NPM1: variants seen among roughly 807,000 people sequenced by gnomAD.
The protein encoded by NPM1 is nucleophosmin 1.
NPM1 carries 1 observed loss-of-function variant against 44.1 expected under a neutral mutation model. The observed-to-expected ratio is 0.02, with a 90% CI of 0.01 to 0.11. The LOEUF (loss-of-function observed/expected upper bound fraction) is 0.11. Ranked by LOEUF, NPM1 falls within the 10% of genes least tolerant of loss-of-function variation. NPM1 has a pLI of 1.00. For missense variants in NPM1, 197 were observed against 347.8 expected (o/e 0.57, Z 3.45); for synonymous variants, 126 against 111.8 (o/e 1.13, Z -0.80).
At chr5:171,391,556 A>G in intron 3 of NPM1, 132 bp downstream of exon 3, 1 of 1,240,332 alleles carries the variant, frequency 8.1e-7, no homozygotes. Context: ...TTCGATGGTC[A>G]ACTCTTGAAC....
intron 6 of NPM1, among the ~76,000 whole-genome samples, chr5:171,399,086 T>G (rs910391155): frequency 6.6e-6 from 1 of 152,142 alleles, no homozygotes; most frequent in Non-Finnish European, 1.5e-5. Context: ...TGACCTCAGG[T>G]GATCTGGCCG....
upstream of NPM1, chr5:171,387,190 T>C (rs1162903625): frequency 6.6e-6 from 1 of 152,230 alleles, no homozygotes; most frequent in Non-Finnish European, 1.5e-5. Flanking sequence ...ATAAGGACTT[T>C]GGAGATGTTT....
intron 1 of NPM1, 136 bp from the exon 2 acceptor site, chr5:171,389,915 C>A (rs938139979): frequency 1.1e-5 from 7 of 620,480 alleles, no homozygotes; most frequent in Admixed American, 3.5e-5. Flanking sequence ...AGGAATTGAT[C>A]ATTCTGCTTT....
chr5:171,389,183 TTG>T (rs1038597217), intron 1 of NPM1, among the ~76,000 whole-genome samples: 4 of 152,004 alleles, frequency 2.6e-5, no homozygotes, highest in African/African-American at 9.7e-5. Flanking sequence ...AGCCTAATCT[TTG>T]TACTATTCAG....
intron 2 of NPM1, among the ~76,000 whole-genome samples, chr5:171,390,609 G>GT (rs931440363): frequency 6.6e-5 from 10 of 152,176 alleles, no homozygotes; most frequent in South Asian, 2.1e-4. Context: ...GTTTATACTT[G>GT]TTTTTTAAAA....
intron 6 of NPM1, among the ~76,000 whole-genome samples, chr5:171,395,527 A>G (rs899617431): frequency 2.6e-5 from 4 of 152,136 alleles, no homozygotes; most frequent in African/African-American, 4.8e-5. Context: ...CTCGAACTCC[A>G]AAGTGCTGGG....
chr5:171,401,345 C>T (rs558938709), intron 8 of NPM1, among the ~76,000 whole-genome samples: 11 of 150,430 alleles, frequency 7.3e-5, no homozygotes, highest in South Asian at 2.1e-4. Flanking sequence ...AGCGAGACTC[C>T]GCCTCCAAAA....
intron 3 of NPM1, 51 bp downstream of exon 3, chr5:171,391,475 T>G: frequency 6.3e-7 from 1 of 1,596,364 alleles, no homozygotes; most frequent in Non-Finnish European, 8.5e-7. Context: ...AATTCTGTTT[T>G]AAGGTAGGTT....
In NPM1 at chr5:171,391,300, C is replaced by A; in HGVS notation, c.139-5C>A. 1 of 1,591,474 alleles carries A rather than the reference C, an allele frequency of 6.3e-7. No homozygotes were observed. The highest frequency in any genetic ancestry group is 1.1e-5 in the South Asian group (1 of 87,156). On this transcript the variant is annotated splice_region_variant and splice_polypyrimidine_tract_variant and intron_variant, in intron 2 of 10. Coordinates refer to ENST00000296930, the MANE Select transcript of NPM1 (RefSeq NM_002520.7). ...GTTGAAGTAGTATTTTTTTTTTGTT[C>A]ACAGGTCAGTTTAGGGGCTGGTGCA...
At chr5:171,404,051 A>G (rs1581255713) in intron 8 of NPM1, among the ~76,000 whole-genome samples, 1 of 42,674 alleles carries the variant, frequency 2.3e-5, no homozygotes, top group African/African-American at 1.1e-4. Flanking sequence ...GGCAACCCTC[A>G]CCTCCCGGAC....
At chr5:171,400,078 C>A in intron 6 of NPM1, 75 bp from the exon 7 acceptor site, 2 of 868,346 alleles carry the variant, frequency 2.3e-6, no homozygotes, top group Non-Finnish European at 3.9e-6. Context: ...ATAATCACTT[C>A]AAGGTCCTGC....
chr5:171,392,838 T>G (rs776816090), intron 5 of NPM1, 22 bp downstream of exon 5: 1 of 1,613,258 alleles, frequency 6.2e-7, no homozygotes, highest in South Asian at 1.1e-5. Context: ...AATTTTATTA[T>G]AGGTTTTGTA....
At position 171,388,017 on chromosome 5, in the gene NPM1, G is replaced by T. The variant is rs202168880; in HGVS notation, c.58+11G>T. ...AGAACTATCTTTTCGGTAACTGCTG[G>T]GGGGAGCTGGAGCGAGGCCGAGCGG... On this transcript the variant is annotated intron_variant, in intron 1 of 10. Coordinates refer to ENST00000296930, the MANE Select transcript of NPM1 (RefSeq NM_002520.7). 3.1e-6 allele frequency: 5 copies of T among 1,612,068 alleles called. No homozygotes were observed. In the East Asian group the frequency reaches 6.7e-5, roughly 22 times the overall value.
upstream of NPM1, chr5:171,387,846 G>C (rs1040227942): frequency 1.5e-5 from 16 of 1,099,710 alleles, no homozygotes; most frequent in Admixed American, 5.7e-5. Flanking sequence ...GGGAGCCTGC[G>C]TCCTTTCCCT....
chr5:171,391,957 C>CGGGG (rs774002661), intron 4 of NPM1, among the ~76,000 whole-genome samples, 158 bp downstream of exon 4: 3 of 122,762 alleles, frequency 2.4e-5, no homozygotes, highest in African/African-American at 8.6e-5. Context: ...ATTTTTGGGG[C>CGGGG]GGGGGGGAGA....
chr5:171,398,889 TCTCA>T (rs1314075557), intron 6 of NPM1, among the ~76,000 whole-genome samples: 1 of 152,188 alleles, frequency 6.6e-6, no homozygotes, highest in Non-Finnish European at 1.5e-5. Flanking sequence ...TTGAAATGAG[TCTCA>T]CTGTCACCCA....
At chr5:171,403,613 G>A (rs1176082414) in intron 8 of NPM1, among the ~76,000 whole-genome samples, 4 of 119,646 alleles carry the variant, frequency 3.3e-5, no homozygotes, top group South Asian at 2.9e-4. Flanking sequence ...CCTCCCGGAC[G>A]GGGCGGCTGG....
At position 171,410,623 on chromosome 5, in the gene NPM1, G is replaced by A. The variant is rs1463544551; in HGVS notation, c.*58G>A. Reference sequence around the variant, plus strand: ...TCCGTCTTATTTCATTTCTGTAACAGTTGATATCTGGCTGTCCTTTTTATA... The same window carrying A: ...TCCGTCTTATTTCATTTCTGTAACAATTGATATCTGGCTGTCCTTTTTATA... On this transcript the variant is annotated 3_prime_UTR_variant, in exon 11 of 11. Transcript: ENST00000296930. 3 of 938,984 alleles carry A rather than the reference G, an allele frequency of 3.2e-6. No homozygotes were observed. Among genetic ancestry groups the A allele is most frequent in the East Asian group, 5.0e-5 (2 of 40,080 alleles). 58.2% of individuals were successfully genotyped at this position (938,984 alleles called of 1,614,324 possible). A position where few individuals can be genotyped will look rare whatever the true frequency, so the allele number is the denominator to read the frequency against.
intron 10 of NPM1, among the ~76,000 whole-genome samples, chr5:171,408,980 A>T (rs1245025932): frequency 6.6e-6 from 1 of 152,124 alleles, no homozygotes; most frequent in African/African-American, 2.4e-5. Flanking sequence ...CAGCACTTCT[A>T]CAAGAAGTAT....
Sources: allele counts gnomAD v4.1 joint callset (sites outside exome capture counted in the v4.1 genomes callset), GRCh38; gene constraint gnomAD v4.1.1; transcripts MANE v1.5; gene names NCBI Gene and HGNC (gene_info 2026-07-23, HGNC 2026-07-21).